Variants in RASGRF2 observed in about 807,000 individuals in gnomAD.
RASGRF2 encodes the protein Ras protein specific guanine nucleotide releasing factor 2, also known as ras-specific guanine nucleotide-releasing factor 2.
A neutral mutation model predicts 151.0 loss-of-function variants in RASGRF2; 76 were observed. The ratio of observed to expected loss-of-function variants is 0.50; its 90% CI spans 0.42 to 0.61. The LOEUF (loss-of-function observed/expected upper bound fraction) is 0.61, where lower values mean the gene tolerates loss of function less well. RASGRF2 is among the 20% of genes least tolerant of loss of function. RASGRF2 has a pLI of 0.00. For missense variants in RASGRF2, 1,148 were observed against 1,564.6 expected (o/e 0.73, Z 4.49); for synonymous variants, 504 against 566.5 (o/e 0.89, Z 1.57).
At chr5:81,012,845 A>T (rs1021348009) in intron 1 of RASGRF2, among the ~76,000 whole-genome samples, 1 of 152,090 alleles carries the variant, frequency 6.6e-6, no homozygotes, top group Admixed American at 6.6e-5. Context: ...GCCTTGAAAG[A>T]CTGTGTGTGA....
chr5:81,168,881 A>T (rs1408338164), intron 17 of RASGRF2, among the ~76,000 whole-genome samples: 3 of 152,242 alleles, frequency 2.0e-5, no homozygotes, highest in South Asian at 4.1e-4. Flanking sequence ...CCTTGTTGAA[A>T]TATTTCCTGT....
At chr5:81,055,130 C>T (rs1347146668) in intron 2 of RASGRF2, among the ~76,000 whole-genome samples, 1 of 152,160 alleles carries the variant, frequency 6.6e-6, no homozygotes, top group Non-Finnish European at 1.5e-5. Flanking sequence ...CTTTCTCCCA[C>T]CTGATTGCCC....
At chr5:81,014,363 G>T (rs2112322047) in intron 1 of RASGRF2, among the ~76,000 whole-genome samples, 1 of 152,298 alleles carries the variant, frequency 6.6e-6, no homozygotes, top group African/African-American at 2.4e-5. Context: ...ATGGCAGAAG[G>T]CAAGGAGGAG....
intron 1 of RASGRF2, chr5:81,019,283 C>A (rs746477846): frequency 3.3e-5 from 5 of 152,406 alleles, no homozygotes; most frequent in Non-Finnish European, 7.3e-5. Flanking sequence ...AGCTTTGCCT[C>A]ACTTTTGGGC....
rs1364246638 is a variant in RASGRF2 at position 81,112,834 on chromosome 5, G to A, written c.2063G>A (p.Arg688Lys). The part of the protein sequence containing the change: ...VLGKLSDIYK[R>K]PFTSIPVRSL... ...GGGAAACTCTCCGACATATACAAGAGGCCTTTCACCTCCATCCCTGTCAGG... is the reference window on the plus strand; with the variant it reads ...GGGAAACTCTCCGACATATACAAGAAGCCTTTCACCTCCATCCCTGTCAGG... Residue 688 changes from arginine (R) to lysine (K), a missense_variant, in exon 14 of 27, where the codon AGG becomes AAG. Physicochemically the swap from Arg to Lys is conservative, Grantham distance 26. This residue lies in a region of RASGRF2 where 646 missense variants were observed against 807.4 expected (regional missense o/e 0.80). Coordinates refer to ENST00000265080, the MANE Select transcript of RASGRF2 (RefSeq NM_006909.3). 2.5e-6 allele frequency: 4 copies of A among 1,614,074 alleles called. No homozygotes were observed. The highest frequency in any genetic ancestry group is 3.4e-6 in the Non-Finnish European group (4 of 1,180,038).
Position 81,227,353 on chromosome 5 carries a change from T to C in RASGRF2, c.*1583T>C, listed in dbSNP as rs1191943566. ...CTCTGTATGTAACTATATAGTGAAA[T>C]ATCAACTAAGTAAAAGAAAATATAA... On this transcript the variant is annotated 3_prime_UTR_variant, in exon 27 of 27. Coordinates refer to ENST00000265080, the MANE Select transcript of RASGRF2 (RefSeq NM_006909.3). 6.6e-6 allele frequency: 1 copy of C among 152,224 alleles called. No individual in the cohort carries two copies. Among genetic ancestry groups the C allele is most frequent in the Non-Finnish European group, 1.5e-5 (1 of 68,044 alleles). 9.4% of individuals were successfully genotyped at this position (152,224 alleles called of 1,614,324 possible). A position where few individuals can be genotyped will look rare whatever the true frequency, so the allele number is the denominator to read the frequency against.
At chr5:81,138,037 C>T (rs1433161068) in intron 17 of RASGRF2, among the ~76,000 whole-genome samples, 1 of 143,466 alleles carries the variant, frequency 7.0e-6, no homozygotes, top group South Asian at 2.3e-4. Context: ...CAAATTCCTT[C>T]AATGCCCTTT....
intron 1 of RASGRF2, among the ~76,000 whole-genome samples, chr5:81,031,817 G>A (rs1468206178): frequency 2.0e-5 from 3 of 152,104 alleles, no homozygotes; most frequent in African/African-American, 7.2e-5. Flanking sequence ...AACTGAAGGA[G>A]ATAGAGACAT....
chr5:81,155,785 C>A (rs943147085), intron 17 of RASGRF2, among the ~76,000 whole-genome samples: 27 of 152,088 alleles, frequency 1.8e-4, no homozygotes, highest in Admixed American at 1.7e-3. Context: ...GATAGAGAGA[C>A]AGGAGATGTT....
At chr5:81,216,049 C>A in intron 24 of RASGRF2, 94 bp downstream of exon 24, 1 of 1,203,500 alleles carries the variant, frequency 8.3e-7, no homozygotes, top group Non-Finnish European at 1.1e-6. Context: ...ACCTACTTTG[C>A]TTTGAAAAGA....
At chr5:81,185,795 G>A (rs1408281788) in intron 18 of RASGRF2, among the ~76,000 whole-genome samples, 1 of 152,206 alleles carries the variant, frequency 6.6e-6, no homozygotes, top group African/African-American at 2.4e-5. Context: ...CCCACGCCAG[G>A]GCTAGAGGGA....
At chr5:81,068,411 G>A (rs1751677538) in intron 3 of RASGRF2, among the ~76,000 whole-genome samples, 1 of 150,922 alleles carries the variant, frequency 6.6e-6, no homozygotes, top group South Asian at 2.1e-4. Flanking sequence ...TTTTTTGGTG[G>A]GGGGTGGTTA....
chr5:81,016,904 C>T (rs1478259152), intron 1 of RASGRF2, among the ~76,000 whole-genome samples: 1 of 152,126 alleles, frequency 6.6e-6, no homozygotes, highest in Non-Finnish European at 1.5e-5. Context: ...AGAATCAGAA[C>T]TGTTTTCAAT....
chr5:81,159,151 A>G lies in RASGRF2; in HGVS notation c.2687-21024A>G, dbSNP rs1754325078. Among the ~76,000 whole-genome samples, 5 of 152,390 alleles carry G rather than the reference A, an allele frequency of 3.3e-5. No homozygotes were observed. In the South Asian group the frequency reaches 6.2e-4, roughly 19 times the overall value. ...TCATGCTATATATTAAATGTGATAT[A>G]TTGCAAAATGTTCTGCAATAAAAAG... On this transcript the variant is annotated intron_variant, in intron 17 of 26. Transcript: ENST00000265080.
chr5:81,146,999 G>A (rs1316499158), intron 17 of RASGRF2, among the ~76,000 whole-genome samples: 1 of 152,130 alleles, frequency 6.6e-6, no homozygotes, highest in East Asian at 1.9e-4. Flanking sequence ...AGAGTAGAAG[G>A]CATTGCTTCT....
intron 2 of RASGRF2, among the ~76,000 whole-genome samples, chr5:81,056,908 T>G (rs930131140): frequency 6.6e-6 from 1 of 152,156 alleles, no homozygotes; most frequent in African/African-American, 2.4e-5. Context: ...CTTTTGATCT[T>G]TGTTGGTTTA....
chr5:80,980,440 G>A (rs963347392), intron 1 of RASGRF2, among the ~76,000 whole-genome samples: 9 of 152,148 alleles, frequency 5.9e-5, no homozygotes, highest in African/African-American at 1.7e-4. Context: ...AGGAGTTTGA[G>A]GCCAGCCTGG....
chr5:81,061,439 C>A (rs1751427848), intron 2 of RASGRF2, among the ~76,000 whole-genome samples: 1 of 151,808 alleles, frequency 6.6e-6, no homozygotes, highest in Non-Finnish European at 1.5e-5. Context: ...TCTTTGTTAG[C>A]CCTGAGTACT....
intron 15 of RASGRF2, among the ~76,000 whole-genome samples, chr5:81,120,855 A>T (rs1021190073): frequency 2.0e-5 from 3 of 152,216 alleles, no homozygotes; most frequent in African/African-American, 7.2e-5. Flanking sequence ...CTTGAGACTG[A>T]GAACAATTTA....
Sources: allele counts gnomAD v4.1 joint callset (sites outside exome capture counted in the v4.1 genomes callset), GRCh38; gene constraint gnomAD v4.1.1; regional missense constraint gnomAD v4.1.1; transcripts MANE v1.5; gene names NCBI Gene and HGNC (gene_info 2026-07-23, HGNC 2026-07-21).